BPIFB3: variants seen among roughly 807,000 people sequenced by gnomAD.
BPIFB3 encodes the protein BPI fold-containing family B member 3.
In BPIFB3, 49 loss-of-function variants were observed where a neutral mutation model predicts 53.1. The ratio of observed to expected loss-of-function variants is 0.92; its 90% CI spans 0.73 to 1.17. The LOEUF is 1.17. Ranked by LOEUF, BPIFB3 falls within the 50% of genes most tolerant of loss-of-function variation. BPIFB3 has a pLI of 0.00. For missense variants in BPIFB3, 628 were observed against 592.5 expected (o/e 1.06, Z -0.62); for synonymous variants, 271 against 269.6 (o/e 1.01, Z -0.05).
intron 4 of BPIFB3, 37 bp downstream of exon 5, chr20:33,060,068 C>A (rs1215252181): frequency 6.2e-7 from 1 of 1,605,414 alleles, no homozygotes; most frequent in East Asian, 2.2e-5. Flanking sequence ...CCCTGACCCG[C>A]TCAGGATCAT....
chr20:33,073,649 C>A (rs773818399), downstream of BPIFB3: 6 of 1,608,980 alleles, frequency 3.7e-6, no homozygotes, highest in Admixed American at 1.0e-4. Flanking sequence ...CTACTAGAGA[C>A]CACCTGTCTA....
intron 6 of BPIFB3, 29 bp from the exon 8 acceptor site, chr20:33,064,428 G>T: frequency 6.4e-7 from 1 of 1,573,026 alleles, no homozygotes; most frequent in Non-Finnish European, 8.7e-7. Flanking sequence ...GGCTTATAGG[G>T]TCGTTCTCGC....
At chr20:33,066,838 C>T in exon 9 of BPIFB3, 1 of 1,614,182 alleles carries the variant, frequency 6.2e-7, no homozygotes, top group African/African-American at 1.3e-5. Flanking sequence ...CCAGCGATGT[C>T]CCACTGACAA....
downstream of BPIFB3, chr20:33,073,771 A>C: frequency 1.4e-6 from 1 of 738,120 alleles, no homozygotes; most frequent in Non-Finnish European, 2.3e-6. Flanking sequence ...GGCTAATCAT[A>C]GAACTGCCTC....
chr20:33,061,180 A>G (rs1314761561), intron 4 of BPIFB3, among the ~76,000 whole-genome samples: 1 of 152,108 alleles, frequency 6.6e-6, no homozygotes, highest in Non-Finnish European at 1.5e-5. Flanking sequence ...CGAGGGCCCT[A>G]AGAAAGGGAT....
At chr20:33,071,412 C>G in intron 12 of BPIFB3, 117 bp downstream of exon 13, 1 of 1,212,142 alleles carries the variant, frequency 8.2e-7, no homozygotes, top group Non-Finnish European at 1.2e-6. Flanking sequence ...GGACTGGGAT[C>G]CTCCCCAATT....
chr20:33,064,676 A>G (rs1980596323), exon 8 of BPIFB3: 1 of 1,613,810 alleles, frequency 6.2e-7, no homozygotes, highest in East Asian at 2.2e-5. Context: ...CCTATCGTGA[A>G]GAGTGTAGCT....
intron 3 of BPIFB3, 57 bp from the exon 5 acceptor site, chr20:33,059,834 C>A: frequency 1.3e-6 from 2 of 1,584,258 alleles, no homozygotes; most frequent in Admixed American, 1.7e-5. Context: ...CCCTGGTGGG[C>A]GGGGCCAAGG....
chr20:33,068,820 C>T (rs757473747), exon 10 of BPIFB3: 28 of 1,613,640 alleles, frequency 1.7e-5, no homozygotes, highest in Non-Finnish European at 2.2e-5. Context: ...GGAAGCTGCC[C>T]CTGCACCAGC....
At chr20:33,057,923 A>G (rs1450466700) in intron 2 of BPIFB3, among the ~76,000 whole-genome samples, 1 of 152,126 alleles carries the variant, frequency 6.6e-6, no homozygotes, top group East Asian at 1.9e-4. Context: ...CTGTGTGTCT[A>G]GCACTGTGCA....
chr20:33,060,638 C>T (rs912874585), intron 4 of BPIFB3, among the ~76,000 whole-genome samples: 6 of 152,104 alleles, frequency 3.9e-5, no homozygotes, highest in African/African-American at 9.7e-5. Flanking sequence ...GGTGCCATCT[C>T]GGCTCACTGC....
At chr20:33,066,949 T>C in intron 9 of BPIFB3, 72 bp downstream of exon 10, 1 of 1,499,310 alleles carries the variant, frequency 6.7e-7, no homozygotes, top group Non-Finnish European at 9.3e-7. Flanking sequence ...TCCAGAATCT[T>C]TCTCAATACA....
At chr20:33,068,492 AG>A (rs895086036) in intron 9 of BPIFB3, among the ~76,000 whole-genome samples, 3 of 152,208 alleles carry the variant, frequency 2.0e-5, no homozygotes, top group Non-Finnish European at 4.4e-5. Flanking sequence ...GGGAGAACGC[AG>A]GGCAGCAGCG....
At chr20:33,069,752 C>A in intron 10 of BPIFB3, 136 bp from the exon 12 acceptor site, 2 of 839,722 alleles carry the variant, frequency 2.4e-6, no homozygotes, top group Non-Finnish European at 2.0e-6. Flanking sequence ...ATTACCTTCT[C>A]AGGGCTCAGC....
In BPIFB3 at chr20:33,061,832, G is replaced by A; in HGVS notation, c.591+1G>A. ...GCTCTTCAAGGTGCTTCCGGGACTG[G>A]TGAGTGTGCGGGCCGTGTGCCAGCA... On this transcript the variant is annotated splice_donor_variant, in intron 5 of 14. Coordinates refer to ENST00000375494, the Ensembl canonical transcript of BPIFB3. LOFTEE classifies it high-confidence loss of function. 1 of 1,614,186 alleles carries A rather than the reference G, an allele frequency of 6.2e-7. No individual in the cohort carries two copies. Among genetic ancestry groups the A allele is most frequent in the Non-Finnish European group, 8.5e-7 (1 of 1,180,018 alleles).
chr20:33,066,239 T>G (rs1187604415), intron 8 of BPIFB3, among the ~76,000 whole-genome samples: 3 of 152,128 alleles, frequency 2.0e-5, no homozygotes, highest in Non-Finnish European at 2.9e-5. Context: ...GTGCCCCATT[T>G]CTCAGGCAGT....
At chr20:33,066,779 T>G (rs1333603816) in intron 8 of BPIFB3, 45 bp from the exon 10 acceptor site, 2 of 1,588,294 alleles carry the variant, frequency 1.3e-6, no homozygotes, top group East Asian at 4.5e-5. Flanking sequence ...GGGATTCCTG[T>G]TCTGTCTCTG....
chr20:33,066,871 C>T, exon 9 of BPIFB3: 2 of 1,614,060 alleles, frequency 1.2e-6, no homozygotes, highest in Non-Finnish European at 1.7e-6. Flanking sequence ...CAGCTTTGCT[C>T]CCTGAGGTGA....
Position 33,066,767 on chromosome 20 carries a change from G to A in BPIFB3, c.925-57G>A. The A allele has an allele frequency of 2.6e-6, 4 of 1,552,344 alleles. No individual in the cohort carries two copies. In the South Asian group the frequency reaches 4.5e-5, roughly 17 times the overall value. ...TGAACGAAACTGCTCTGAGTGTGCT[G>A]AGGGATTCCTGTTCTGTCTCTGTGC... On this transcript the variant is annotated intron_variant, in intron 8 of 14. Transcript: ENST00000375494.
Sources: gnomAD v4.1 joint callset for allele counts (sites outside exome capture counted in the v4.1 genomes callset) on GRCh38, gnomAD v4.1.1 for gene constraint, MANE v1.5 for transcripts, NCBI Gene and HGNC (gene_info 2026-07-23, HGNC 2026-07-21) for gene names.